Variants in CNOT1 observed in about 807,000 individuals in gnomAD.
CNOT1 encodes CCR4-associated factor 1.
Under a neutral mutation model 273.8 loss-of-function variants are expected in CNOT1, and 15 were observed. That is an observed-to-expected ratio of 0.05 (90% confidence interval 0.04 to 0.08). CNOT1 has a LOEUF of 0.08. Ranked by LOEUF, CNOT1 falls within the 10% of genes least tolerant of loss-of-function variation. The probability of loss-of-function intolerance (pLI) is 1.00; values close to 1 mark genes in which losing one functional copy is unlikely to be tolerated. For synonymous variants in CNOT1, 1,022 were observed against 1,005.5 expected (o/e 1.02, Z -0.31); for missense variants, 1,644 against 2,912.2 (o/e 0.56, Z 10.02).
chr16:58,521,223 A>AGAACTT lies in CNOT1; in HGVS notation c.7006_7011dup (p.Lys2336_Phe2337dup). On this transcript the variant is annotated inframe_insertion, in exon 48 of 49. Coordinates refer to ENST00000317147, the MANE Select transcript of CNOT1 (RefSeq NM_016284.5). ...GCACAGTGTACAAATTCATGGTTCC[A>AGAACTT]GAACTTAAACGCTGGGTTTTTAATC... 2 of 1,614,202 alleles carry AGAACTT rather than the reference A, an allele frequency of 1.2e-6. No homozygotes were observed. The highest frequency in any genetic ancestry group is 1.7e-6 in the Non-Finnish European group (2 of 1,180,036).
intron 25 of CNOT1, among the ~76,000 whole-genome samples, chr16:58,549,251 C>A (rs2040369133): frequency 6.9e-6 from 1 of 144,728 alleles, no homozygotes; most frequent in Non-Finnish European, 1.5e-5. Flanking sequence ...CGTGCCACTG[C>A]ACTCCAGCCT....
intron 2 of CNOT1, among the ~76,000 whole-genome samples, chr16:58,594,016 G>A (rs139759338): frequency 1.1e-3 from 161 of 151,956 alleles, no homozygotes; most frequent in African/African-American, 3.7e-3. Flanking sequence ...AGGCCAAGGC[G>A]GGCAGATCAC....
chr16:58,578,397 T>G (rs1446238773), intron 13 of CNOT1, among the ~76,000 whole-genome samples: 1 of 139,748 alleles, frequency 7.2e-6, no homozygotes, highest in Non-Finnish European at 1.5e-5. Context: ...GAGGTTGCAG[T>G]GAGAAAGACT....
At chr16:58,534,046 G>T (rs972080824) in intron 40 of CNOT1, 101 bp downstream of exon 40, 4 of 1,183,014 alleles carry the variant, frequency 3.4e-6, no homozygotes, top group Non-Finnish European at 4.2e-6. Flanking sequence ...GACAGAGTGA[G>T]ACTCTCTCAA....
chr16:58,545,610 G>T, intron 29 of CNOT1, 119 bp from the exon 30 acceptor site: 2 of 1,494,544 alleles, frequency 1.3e-6, no homozygotes. Flanking sequence ...GGGAGAGGAG[G>T]GAAGGATGTA....
chr16:58,576,619 T>C (rs377643206), intron 13 of CNOT1, 37 bp from the exon 14 acceptor site: 86 of 1,612,904 alleles, frequency 5.3e-5, no homozygotes, highest in Non-Finnish European at 7.0e-5. Context: ...GCAATACTGC[T>C]AAACACTGTG....
chr16:58,561,171 GAGAAGGGAAAGC>G (rs2040828093), intron 16 of CNOT1, among the ~76,000 whole-genome samples: 1 of 152,174 alleles, frequency 6.6e-6, no homozygotes, highest in Non-Finnish European at 1.5e-5. Flanking sequence ...GGTAAGAGAT[GAGAAGGGAAAGC>G]GGAAGGAAAA....
intron 1 of CNOT1, among the ~76,000 whole-genome samples, chr16:58,601,719 G>A (rs2152012394): frequency 8.3e-6 from 1 of 120,312 alleles, no homozygotes; most frequent in Non-Finnish European, 1.7e-5. Context: ...ATATGCTAGT[G>A]CTCCATACCC....
At chr16:58,575,685 G>A (rs1026537128) in intron 14 of CNOT1, among the ~76,000 whole-genome samples, 1 of 152,118 alleles carries the variant, frequency 6.6e-6, no homozygotes, top group African/African-American at 2.4e-5. Flanking sequence ...TGTAGTCCCA[G>A]CTACTTGGGA....
At position 58,535,668 on chromosome 16, in the gene CNOT1, G is replaced by A. The variant is rs191944809; in HGVS notation, c.5647-1273C>T. On this transcript the variant is annotated intron_variant, in intron 39 of 48. Transcript: ENST00000317147. ...TTGTAATTCCCTGGATTCTTTTAGGGGAGAAATATACTCGGTATGATTTAC... is the reference window on the plus strand; with the variant it reads ...TTGTAATTCCCTGGATTCTTTTAGGAGAGAAATATACTCGGTATGATTTAC... Among the ~76,000 whole-genome samples, 365 of 152,078 alleles carry A rather than the reference G, an allele frequency of 2.4e-3. 1 individual carries two copies. Among genetic ancestry groups the A allele is most frequent in the Non-Finnish European group, 4.0e-3 (275 of 68,002 alleles).
chr16:58,588,687 T>C (rs1186416229), intron 3 of CNOT1, 112 bp downstream of exon 3: 7 of 1,278,090 alleles, frequency 5.5e-6, no homozygotes, highest in Non-Finnish European at 7.3e-6. Flanking sequence ...ACCATCCAGC[T>C]ACAATCACTT....
chr16:58,596,243 A>C (rs922973850), intron 2 of CNOT1, among the ~76,000 whole-genome samples: 1 of 148,320 alleles, frequency 6.7e-6, no homozygotes, highest in Non-Finnish European at 1.5e-5. Context: ...GTCAGGGGCC[A>C]AATGGAGGGA....
rs2151917947 is a variant in CNOT1, at chr16:58,543,446, C to T, written c.4434+161G>A. 2 of 1,492,560 alleles carry T rather than the reference C, an allele frequency of 1.3e-6. No homozygotes were observed. The highest frequency in any genetic ancestry group is 1.8e-6 in the Non-Finnish European group (2 of 1,121,804). 92.5% of individuals were successfully genotyped at this position (1,492,560 alleles called of 1,614,324 possible). ...AAAACACACAGACATGATGCTTTGC[C>T]TCACAGAATTACAATCTAAAATGAT... On this transcript the variant is annotated intron_variant, in intron 31 of 48. Coordinates refer to ENST00000317147, the MANE Select transcript of CNOT1 (RefSeq NM_016284.5).
intron 16 of CNOT1, 66 bp from the exon 17 acceptor site, chr16:58,560,428 C>T: frequency 6.7e-7 from 1 of 1,501,160 alleles, no homozygotes. Flanking sequence ...AGTAAACCAA[C>T]CGATCTGATT....
At chr16:58,573,571 C>T (rs2041358716) in intron 16 of CNOT1, among the ~76,000 whole-genome samples, 1 of 149,520 alleles carries the variant, frequency 6.7e-6, no homozygotes. Flanking sequence ...AGCTCTGCCT[C>T]CTGGGTTCAC....
intron 1 of CNOT1, among the ~76,000 whole-genome samples, chr16:58,609,866 T>G (rs1040208712): frequency 2.0e-5 from 3 of 150,198 alleles, no homozygotes; most frequent in Non-Finnish European, 4.4e-5. Flanking sequence ...TCATATTATA[T>G]ATAATAATAC....
intron 1 of CNOT1, among the ~76,000 whole-genome samples, chr16:58,604,844 AAC>A (rs1471261141): frequency 2.1e-4 from 23 of 107,190 alleles, no homozygotes; most frequent in South Asian, 1.2e-3. Context: ...AAAAAAAAAA[AAC>A]CACACCAAAG....
intron 16 of CNOT1, among the ~76,000 whole-genome samples, chr16:58,562,854 A>C (rs1175289587): frequency 6.6e-6 from 1 of 152,164 alleles, no homozygotes; most frequent in African/African-American, 2.4e-5. Flanking sequence ...GCAGCCGTAC[A>C]TGAACTTAGT....
intron 1 of CNOT1, among the ~76,000 whole-genome samples, chr16:58,599,961 G>A (rs2042403541): frequency 6.6e-6 from 1 of 152,028 alleles, no homozygotes; most frequent in African/African-American, 2.4e-5. Context: ...TACCCAGGAG[G>A]CTGAGGCAGG....
Sources: allele counts gnomAD v4.1 joint callset (sites outside exome capture counted in the v4.1 genomes callset), GRCh38; gene constraint gnomAD v4.1.1; transcripts MANE v1.5; gene names NCBI Gene and HGNC (gene_info 2026-07-23, HGNC 2026-07-21).